Variants in ATXN7L1 observed in about 807,000 individuals in gnomAD.
ATXN7L1 encodes ataxin-7-like protein 1.
Under a neutral mutation model 70.8 loss-of-function variants are expected in ATXN7L1, and 15 were observed. The ratio of observed to expected loss-of-function variants is 0.21; its 90% CI spans 0.14 to 0.33. The LOEUF (loss-of-function observed/expected upper bound fraction) is 0.33, where lower values mean the gene tolerates loss of function less well. Among genes scored for constraint, ATXN7L1 ranks in the 10% least tolerant of loss-of-function variants. The pLI is 1.00. For synonymous variants in ATXN7L1, 440 were observed against 445.1 expected, an observed-to-expected ratio of 0.99 and a Z score of 0.14; for missense variants, 975 against 1,097.1, an observed-to-expected ratio of 0.89 and a Z score of 1.57.
At chr7:105,679,297 A>C in intron 3 of ATXN7L1, 1 of 288,676 alleles carries the variant, frequency 3.5e-6, no homozygotes, top group Non-Finnish European at 5.2e-6. Context: ...CCACACACAC[A>C]AGGTGTGGTC....
intron 3 of ATXN7L1, among the ~76,000 whole-genome samples, chr7:105,681,595 TA>T (rs1277838913): frequency 6.6e-6 from 1 of 152,112 alleles, no homozygotes; most frequent in African/African-American, 2.4e-5. Context: ...CAAATGTGGG[TA>T]TACCCACATT....
chr7:105,687,527 C>T lies in ATXN7L1; in HGVS notation c.356-22239G>A, dbSNP rs528393117. On this transcript the variant is annotated intron_variant, in intron 3 of 11. Coordinates refer to ENST00000419735, the MANE Select transcript of ATXN7L1 (RefSeq NM_020725.2). The stretch of plus-strand genomic sequence containing the variant: ...GAGGCGGCAAGAGGGCAGCCATCTG[C>T]AAGCCAAGAAGGGGCCTCAGGAGAA... 2.0e-5 allele frequency among the ~76,000 whole-genome samples: 3 copies of T among 152,296 alleles called. No individual in the cohort carries two copies. In the South Asian group the frequency reaches 6.2e-4, roughly 32 times the overall value.
At position 105,749,301 on chromosome 7, in the gene ATXN7L1, A is replaced by G. The variant is rs183017713; in HGVS notation, c.355+39303T>C. On this transcript the variant is annotated intron_variant, in intron 3 of 11. Transcript: ENST00000419735. ...CAGGAGAGTAAGGAAGGGTAAAATCATCATACTGCAAGTCAAACAAGAATG... is the reference window on the plus strand; with the variant it reads ...CAGGAGAGTAAGGAAGGGTAAAATCGTCATACTGCAAGTCAAACAAGAATG... Among the ~76,000 whole-genome samples, 14 of 152,090 alleles carry G rather than the reference A, an allele frequency of 9.2e-5. 1 individual carries two copies. The East Asian group carries it at 2.7e-3, about 29-fold the overall frequency.
intron 4 of ATXN7L1, among the ~76,000 whole-genome samples, chr7:105,647,505 G>A (rs1045257775): frequency 3.3e-5 from 5 of 152,192 alleles, no homozygotes; most frequent in African/African-American, 1.2e-4. Flanking sequence ...AAATTAGCCG[G>A]GCGCGGTGGC....
At chr7:105,686,803 G>A (rs1437175691) in intron 3 of ATXN7L1, among the ~76,000 whole-genome samples, 2 of 152,110 alleles carry the variant, frequency 1.3e-5, no homozygotes, top group East Asian at 3.8e-4. Flanking sequence ...ATCATAAGTC[G>A]AACCATTGTA....
chr7:105,653,021 T>G (rs1800096110), intron 4 of ATXN7L1, among the ~76,000 whole-genome samples: 1 of 152,220 alleles, frequency 6.6e-6, no homozygotes, highest in African/African-American at 2.4e-5. Flanking sequence ...AAGCACATTT[T>G]CTTTTTAAAC....
Position 105,614,494 on chromosome 7 carries a change from G to A in ATXN7L1, c.1840C>T (p.Pro614Ser). ...VSPIPAVIPS[P>S]SHKPSKTKTS... is the part of the protein sequence containing the mutation. The stretch of plus-strand genomic sequence containing the variant: ...TTGGTTTTGGATGGCTTGTGGGATG[G>A]GGAAGGGATGACGGCTGGTATCGGG... The change falls in exon 10 of 12, where the codon CCA (proline) becomes TCA (serine). Residue 614 changes from proline (P) to serine (S), a missense_variant. By Grantham distance (74) the Pro-to-Ser change is moderately conservative. This residue lies in a region of ATXN7L1 where 635 missense variants were observed against 699.4 expected (regional missense o/e 0.91). Coordinates refer to ENST00000419735, the MANE Select transcript of ATXN7L1 (RefSeq NM_020725.2). This position sits in a 1 kb window ranked among gnomAD's most constrained non-coding sequence, Gnocchi z 4.3. 1.3e-6 allele frequency: 2 copies of A among 1,534,342 alleles called. No homozygotes were observed. The highest frequency in any genetic ancestry group is 2.8e-5 in the African/African-American group (2 of 72,712).
At chr7:105,801,203 A>G (rs1022516863) in intron 2 of ATXN7L1, among the ~76,000 whole-genome samples, 26 of 152,246 alleles carry the variant, frequency 1.7e-4, no homozygotes, top group African/African-American at 6.0e-4. Flanking sequence ...AACAGTTAGT[A>G]TGAAGTTTCA....
At chr7:105,710,346 C>T (rs1240224703) in intron 3 of ATXN7L1, among the ~76,000 whole-genome samples, 1 of 150,922 alleles carries the variant, frequency 6.6e-6, no homozygotes, top group Non-Finnish European at 1.5e-5. Context: ...GAAGCAAGCA[C>T]GTCTTACTAT....
rs112096347 is a variant in ATXN7L1, at chr7:105,678,671, G to A, written c.356-13383C>T. Reference sequence around the variant, plus strand: ...TAATACACGGACATAAACATGGGGCGTTGGGGTTGACACGCCGGGAAGGTT... The same window carrying A: ...TAATACACGGACATAAACATGGGGCATTGGGGTTGACACGCCGGGAAGGTT... On this transcript the variant is annotated intron_variant, in intron 3 of 11. Transcript: ENST00000419735. Among the ~76,000 whole-genome samples the A allele has an allele frequency of 6.7e-3, 1,022 of 152,328 alleles. 16 individuals carry two copies. Among genetic ancestry groups the A allele is most frequent in the African/African-American group, 0.024 (984 of 41,568 alleles).
chr7:105,845,048 T>A (rs1813777479), intron 2 of ATXN7L1, among the ~76,000 whole-genome samples: 1 of 151,564 alleles, frequency 6.6e-6, no homozygotes, highest in Non-Finnish European at 1.5e-5. Flanking sequence ...CTACCAAAAA[T>A]ACAAAAATTA....
chr7:105,817,436 G>T (rs1245154435), intron 2 of ATXN7L1, among the ~76,000 whole-genome samples: 1 of 152,212 alleles, frequency 6.6e-6, no homozygotes, highest in Admixed American at 6.5e-5. Context: ...TTATGTAAGA[G>T]AATATTCCTA....
intron 3 of ATXN7L1, among the ~76,000 whole-genome samples, chr7:105,729,211 C>T (rs1796238518): frequency 6.6e-6 from 1 of 151,826 alleles, no homozygotes; most frequent in Admixed American, 6.6e-5. Context: ...GTCGAGGCTA[C>T]AGTAAGCTGT....
At chr7:105,718,130 G>C (rs1045389900) in intron 3 of ATXN7L1, among the ~76,000 whole-genome samples, 21 of 152,098 alleles carry the variant, frequency 1.4e-4, no homozygotes, top group African/African-American at 5.1e-4. Flanking sequence ...TAAAACAACA[G>C]CAACAATAAG....
chr7:105,662,415 C>A lies in ATXN7L1; in HGVS notation c.578+2651G>T, dbSNP rs1400690362. ...CTGCGCCCAGTCAGATTCTTTCTGC[C>A]CCTTTTTGCCCCTAGCTGAAGGGGA... On this transcript the variant is annotated intron_variant, in intron 4 of 11. Transcript: ENST00000419735. Among the ~76,000 whole-genome samples the A allele has an allele frequency of 2.0e-5, 3 of 152,220 alleles. No individual in the cohort carries two copies. The East Asian group carries it at 5.8e-4, about 29-fold the overall frequency.
intron 3 of ATXN7L1, among the ~76,000 whole-genome samples, chr7:105,747,634 G>A (rs1050644598): frequency 1.3e-5 from 2 of 152,240 alleles, no homozygotes; most frequent in African/African-American, 4.8e-5. Flanking sequence ...CAGAAATTCT[G>A]GAGGCCCAGA....
intron 3 of ATXN7L1, among the ~76,000 whole-genome samples, chr7:105,780,812 C>A (rs1382980535): frequency 6.6e-6 from 1 of 152,192 alleles, no homozygotes; most frequent in Non-Finnish European, 1.5e-5. Flanking sequence ...GGAAATAATT[C>A]CAATGGCTAG....
chr7:105,710,587 T>G (rs982324037), intron 3 of ATXN7L1, among the ~76,000 whole-genome samples: 3 of 151,866 alleles, frequency 2.0e-5, no homozygotes, highest in African/African-American at 7.3e-5. Flanking sequence ...TTTTTTGTAT[T>G]TTTTTAGTAG....
At chr7:105,821,657 A>C (rs1187786613) in intron 2 of ATXN7L1, among the ~76,000 whole-genome samples, 1 of 152,224 alleles carries the variant, frequency 6.6e-6, no homozygotes, top group Non-Finnish European at 1.5e-5. Context: ...TCTGAATTTG[A>C]TTGTGGCTCC....
Sources: allele counts gnomAD v4.1 joint callset (sites outside exome capture counted in the v4.1 genomes callset), GRCh38; gene constraint gnomAD v4.1.1; regional missense constraint gnomAD v4.1.1; non-coding constraint Gnocchi (gnomAD v3.1); transcripts MANE v1.5; gene names NCBI Gene and HGNC (gene_info 2026-07-23, HGNC 2026-07-21).